Variants in SLC25A23 observed in about 807,000 individuals in gnomAD.
SLC25A23 encodes the protein solute carrier family 25 member 23, also known as mitochondrial adenyl nucleotide antiporter SLC25A23.
In SLC25A23, 32 loss-of-function variants were observed where a neutral mutation model predicts 53.9. That is an observed-to-expected ratio of 0.59 (90% CI 0.45 to 0.80). SLC25A23 has a LOEUF of 0.80. Ranked by LOEUF, SLC25A23 falls within the 30% of genes least tolerant of loss-of-function variation. SLC25A23 has a pLI of 0.00. For synonymous variants in SLC25A23, 275 were observed against 264.5 expected (o/e 1.04, Z -0.38); for missense variants, 575 against 651.4 (o/e 0.88, Z 1.28).
At chr19:6,444,358 T>C in intron 8 of SLC25A23, 57 bp from the exon 9 acceptor site, 1 of 1,521,276 alleles carries the variant, frequency 6.6e-7, no homozygotes, top group East Asian at 2.3e-5. Context: ...GACCCTGGCT[T>C]CAAAGGCCTG....
In SLC25A23 at chr19:6,440,341, T is replaced by G. The variant is rs998774095; in HGVS notation, c.*1634A>C. The G allele has an allele frequency of 2.0e-5, 3 of 152,148 alleles. No individual in the cohort carries two copies. The highest frequency in any genetic ancestry group is 7.3e-5 in the African/African-American group (3 of 41,202). 9.4% of individuals were successfully genotyped at this position (152,148 alleles called of 1,614,324 possible). ...AATAGATCTGGAATGAATTTGGGGATTTGGTGGTTTTTTTTTGTTTTTGTT... is the reference window on the plus strand; with the variant it reads ...AATAGATCTGGAATGAATTTGGGGAGTTGGTGGTTTTTTTTTGTTTTTGTT... On this transcript the variant is annotated 3_prime_UTR_variant, in exon 10 of 10. Coordinates refer to ENST00000301454, the MANE Select transcript of SLC25A23 (RefSeq NM_024103.3).
At chr19:6,443,424 T>A in intron 9 of SLC25A23, 2 of 532,908 alleles carry the variant, frequency 3.8e-6, no homozygotes, top group Non-Finnish European at 6.7e-6. Flanking sequence ...GATGGGGTCT[T>A]GCTATGTTGC....
chr19:6,454,054 A>C lies in SLC25A23; in HGVS notation c.830T>G (p.Leu277Arg). The change falls in exon 7 of 10, where the codon CTG (leucine) becomes CGG (arginine). Residue 277 changes from leucine (L) to arginine (R), a missense_variant. By Grantham distance (102) the Leu-to-Arg change is moderately radical. Transcript: ENST00000301454. The surrounding 1 kb of genome is among the most constrained non-coding windows in gnomAD (Gnocchi z 4.3). ...KRAILGQQET[L>R]HVQERFVAGS... is the part of the protein sequence containing the mutation. ...AGCCACGAAGCGCTCCTGCACATGCAGTGTCTCCTGCTGCCCCAGGATGGC... is the reference window on the plus strand; with the variant it reads ...AGCCACGAAGCGCTCCTGCACATGCCGTGTCTCCTGCTGCCCCAGGATGGC... 1 of 1,613,594 alleles carries C rather than the reference A, an allele frequency of 6.2e-7. No individual in the cohort carries two copies.
chr19:6,458,788 C>T (rs1009645163), intron 1 of SLC25A23, among the ~76,000 whole-genome samples: 1 of 152,146 alleles, frequency 6.6e-6, no homozygotes, highest in African/African-American at 2.4e-5. Flanking sequence ...AGGAGAGAAC[C>T]AAGCGGAGTG....
intron 8 of SLC25A23, among the ~76,000 whole-genome samples, chr19:6,449,676 A>C (rs1203871759): frequency 6.6e-6 from 1 of 151,240 alleles, no homozygotes; most frequent in Admixed American, 6.6e-5. Context: ...GGCCTCCCAA[A>C]GTGCTGGGAT....
Position 6,453,964 on chromosome 19 carries a change from G to A in SLC25A23, c.903+17C>T. ...CCACCCTGCCATGGGGCCTCCGCTG[G>A]GGTCCCTCCTTCTCACCTCCATAGG... On this transcript the variant is annotated intron_variant, in intron 7 of 9. Coordinates refer to ENST00000301454, the MANE Select transcript of SLC25A23 (RefSeq NM_024103.3). The A allele has an allele frequency of 6.2e-7, 1 of 1,601,272 alleles. No individual in the cohort carries two copies. Among genetic ancestry groups the A allele is most frequent in the Non-Finnish European group, 8.5e-7 (1 of 1,172,344 alleles).
At chr19:6,437,570 G>A (rs2092343432), downstream of SLC25A23, among the ~76,000 whole-genome samples, 1 of 152,192 alleles carries the variant, frequency 6.6e-6, no homozygotes, top group South Asian at 2.1e-4. Flanking sequence ...AACACTTTGG[G>A]AGGCTGAGGC....
downstream of SLC25A23, among the ~76,000 whole-genome samples, chr19:6,437,476 TG>T (rs942266383): frequency 9.9e-5 from 15 of 151,670 alleles, no homozygotes; most frequent in African/African-American, 2.2e-4. Flanking sequence ...TACACTGGAT[TG>T]GGGGGGGTTG....
chr19:6,459,700 C>T lies in SLC25A23; in HGVS notation c.-72G>A, dbSNP rs567205149. Reference sequence around the variant, plus strand: ...TGGGGGCTTCGCGGCTCCCCCTCCCCCCCCGGGACCCCGCAGGGTCAGCTC... The same window carrying T: ...TGGGGGCTTCGCGGCTCCCCCTCCCTCCCCGGGACCCCGCAGGGTCAGCTC... On this transcript the variant is annotated 5_prime_UTR_variant, in exon 1 of 10. Coordinates refer to ENST00000301454, the MANE Select transcript of SLC25A23 (RefSeq NM_024103.3). This position sits in a 1 kb window ranked among gnomAD's most constrained non-coding sequence, Gnocchi z 4.6. 6 of 1,195,300 alleles carry T rather than the reference C, an allele frequency of 5.0e-6. No individual in the cohort carries two copies. The highest frequency in any genetic ancestry group is 5.2e-6 in the Non-Finnish European group (5 of 954,600). 74.0% of individuals were successfully genotyped at this position (1,195,300 alleles called of 1,614,324 possible).
At position 6,457,489 on chromosome 19, in the gene SLC25A23, C is replaced by G. The variant is rs778701747; in HGVS notation, c.371+14G>C. Reference sequence around the variant, plus strand: ...TCCTGAGTTACTTTGGATTCCAGACCCCCAGCGACTCACCTGTGCAAAATT... The same window carrying G: ...TCCTGAGTTACTTTGGATTCCAGACGCCCAGCGACTCACCTGTGCAAAATT... On this transcript the variant is annotated intron_variant, in intron 3 of 9. Transcript: ENST00000301454. 6.2e-7 allele frequency: 1 copy of G among 1,612,756 alleles called. No individual in the cohort carries two copies. Among genetic ancestry groups the G allele is most frequent in the Non-Finnish European group, 8.5e-7 (1 of 1,178,894 alleles).
chr19:6,452,448 G>A lies in SLC25A23; in HGVS notation c.935C>T (p.Thr312Met), dbSNP rs1008467654. Residue 312 changes from threonine to methionine, a missense_variant, in exon 8 of 10, where the codon ACG becomes ATG. Physicochemically the swap from Thr to Met is moderately conservative, Grantham distance 81. Transcript: ENST00000301454. The part of the protein sequence containing the change: ...VLKTRLTLRR[T>M]GQYKGLLDCA... ...GTCCAGCAGCCCCTTATACTGGCCCGTCCGGCGCAAGGTCAGCCGCGTCTT... is the reference window on the plus strand; with the variant it reads ...GTCCAGCAGCCCCTTATACTGGCCCATCCGGCGCAAGGTCAGCCGCGTCTT... The A allele has an allele frequency of 5.0e-6, 8 of 1,610,816 alleles. No individual in the cohort carries two copies. The highest frequency in any genetic ancestry group is 1.7e-5 in the Admixed American group (1 of 59,776).
At position 6,458,263 on chromosome 19, in the gene SLC25A23, C is replaced by A; in HGVS notation, c.218G>T (p.Arg73Leu). ...ACGCTGTTCCCGCTCCTGCAGATAGCGGGAAAATTCCTCCAGGTCGAGCCC... is the reference window on the plus strand; with the variant it reads ...ACGCTGTTCCCGCTCCTGCAGATAGAGGGAAAATTCCTCCAGGTCGAGCCC... ...DGGLDLEEFS[R>L]YLQEREQRLL... is the part of the protein sequence containing the mutation. Residue 73 changes from arginine (R) to leucine (L), a missense_variant, in exon 2 of 10, where the codon CGC becomes CTC. Arg to Leu is a moderately radical substitution (Grantham distance 102, BLOSUM62 -2). Transcript: ENST00000301454. The A allele has an allele frequency of 6.2e-7, 1 of 1,613,558 alleles. No individual in the cohort carries two copies. The highest frequency in any genetic ancestry group is 8.5e-7 in the Non-Finnish European group (1 of 1,179,974).
At chr19:6,453,583 C>T (rs1472729393) in intron 7 of SLC25A23, among the ~76,000 whole-genome samples, 1 of 152,146 alleles carries the variant, frequency 6.6e-6, no homozygotes, top group Non-Finnish European at 1.5e-5. Flanking sequence ...CCAAACAATA[C>T]ACTTCATAAC....
At position 6,459,255 on chromosome 19, in the gene SLC25A23, T is replaced by C. The variant is rs1335523257; in HGVS notation, c.156+218A>G. 6.6e-6 allele frequency among the ~76,000 whole-genome samples: 1 copy of C among 152,004 alleles called. No individual in the cohort carries two copies. Among genetic ancestry groups the C allele is most frequent in the African/African-American group, 2.4e-5 (1 of 41,378 alleles). ...CCTGCCCCGCAGCAGGGGGATCGGG[T>C]GTTGGCCGCGGAACTGCAGGCTTGG... On this transcript the variant is annotated intron_variant, in intron 1 of 9. Coordinates refer to ENST00000301454, the MANE Select transcript of SLC25A23 (RefSeq NM_024103.3). This position sits in a 1 kb window ranked among gnomAD's most constrained non-coding sequence, Gnocchi z 4.6.
chr19:6,457,445 T>C, intron 3 of SLC25A23, 58 bp downstream of exon 3: 11 of 1,473,388 alleles, frequency 7.5e-6, no homozygotes, highest in Middle Eastern at 1.7e-4. Context: ...AAGACAGAGA[T>C]GGCCAAGGGG....
downstream of SLC25A23, among the ~76,000 whole-genome samples, chr19:6,439,408 C>CAT (rs1184813407): frequency 1.4e-5 from 2 of 141,304 alleles, no homozygotes; most frequent in African/African-American, 5.8e-5. Context: ...CTCACACACA[C>CAT]ACACACACAC....
rs770410967 is a variant in SLC25A23 at position 6,458,100 on chromosome 19, C to G, written c.283+98G>C. ...GTCATCGGGGAGAAGCGGCCCTCCC[C>G]CTCTCCTCCTAGCGCTGCCAGTTCT... On this transcript the variant is annotated intron_variant, in intron 2 of 9. Transcript: ENST00000301454. 5 of 1,465,816 alleles carry G rather than the reference C, an allele frequency of 3.4e-6. No homozygotes were observed. The African/African-American group carries it at 7.0e-5, about 21-fold the overall frequency. 90.8% of individuals were successfully genotyped at this position (1,465,816 alleles called of 1,614,324 possible). A position where few individuals can be genotyped will look rare whatever the true frequency, so the allele number is the denominator to read the frequency against.
rs918530387 is a variant in SLC25A23, at chr19:6,455,981, A to G, written c.483+439T>C. 5 of 1,285,276 alleles carry G rather than the reference A, an allele frequency of 3.9e-6. No homozygotes were observed. In the South Asian group the frequency reaches 6.2e-5, roughly 16 times the overall value. 79.6% of individuals were successfully genotyped at this position (1,285,276 alleles called of 1,614,324 possible). ...TGATCCGCCCACTTCGGCCTCCCAA[A>G]GTGCTGGGATTTTAGGTGTGAGCCA... On this transcript the variant is annotated intron_variant, in intron 4 of 9. Coordinates refer to ENST00000301454, the MANE Select transcript of SLC25A23 (RefSeq NM_024103.3).
At chr19:6,458,855 T>C (rs962268735) in intron 1 of SLC25A23, among the ~76,000 whole-genome samples, 1 of 152,260 alleles carries the variant, frequency 6.6e-6, no homozygotes, top group Admixed American at 6.5e-5. Context: ...CTCTCAGGGT[T>C]GCTGTGGTTC....
Sources: allele counts gnomAD v4.1 joint callset (sites outside exome capture counted in the v4.1 genomes callset), GRCh38; gene constraint gnomAD v4.1.1; non-coding constraint Gnocchi (gnomAD v3.1); transcripts MANE v1.5; gene names NCBI Gene and HGNC (gene_info 2026-07-23, HGNC 2026-07-21).